NKAIN2: variants seen among roughly 807,000 people sequenced by gnomAD.
NKAIN2 encodes the protein sodium/potassium-transporting ATPase subunit beta-1-interacting protein 2.
In NKAIN2, 14 loss-of-function variants were observed where a neutral mutation model predicts 32.6. That is an observed-to-expected ratio of 0.43 (90% CI 0.28 to 0.67). The LOEUF (loss-of-function observed/expected upper bound fraction) is 0.67. Among genes scored for constraint, NKAIN2 ranks in the 30% least tolerant of loss-of-function variants. NKAIN2 has a pLI of 0.17. For synonymous variants in NKAIN2, 80 were observed against 87.2 expected, an observed-to-expected ratio of 0.92 and a Z score of 0.46; for missense variants, 198 against 258.3, an observed-to-expected ratio of 0.77 and a Z score of 1.60.
intron 1 of NKAIN2, among the ~76,000 whole-genome samples, chr6:124,194,046 C>A (rs922803967): frequency 2.6e-5 from 4 of 152,076 alleles, no homozygotes; most frequent in African/African-American, 9.7e-5. Context: ...CTGAATGAGT[C>A]TGGGGCTTTT....
chr6:124,706,889 G>A (rs1207773904), intron 4 of NKAIN2, among the ~76,000 whole-genome samples: 1 of 151,440 alleles, frequency 6.6e-6, no homozygotes, highest in East Asian at 1.9e-4. Context: ...TGTACACATT[G>A]TGCAGGTTAG....
intron 1 of NKAIN2, among the ~76,000 whole-genome samples, chr6:124,122,848 A>G (rs1392038701): frequency 1.3e-5 from 2 of 152,092 alleles, no homozygotes; most frequent in Non-Finnish European, 2.9e-5. Context: ...TGGTGTCTAC[A>G]TTCATGTTAA....
At chr6:123,806,354 G>T (rs1162105775) in intron 1 of NKAIN2, among the ~76,000 whole-genome samples, 2 of 152,078 alleles carry the variant, frequency 1.3e-5, no homozygotes, top group Non-Finnish European at 2.9e-5. Flanking sequence ...TAGCAGCCAT[G>T]TTAACGCAGA....
At chr6:124,649,372 T>C (rs1356988402) in intron 3 of NKAIN2, among the ~76,000 whole-genome samples, 1 of 152,074 alleles carries the variant, frequency 6.6e-6, no homozygotes, top group African/African-American at 2.4e-5. Context: ...ACAACAAAGA[T>C]AAAATGGAAC....
chr6:124,057,625 A>G (rs1219457851), intron 1 of NKAIN2, among the ~76,000 whole-genome samples: 1 of 151,782 alleles, frequency 6.6e-6, no homozygotes, highest in Non-Finnish European at 1.5e-5. Flanking sequence ...TCCTGGAGTT[A>G]AATGCCCTCC....
intron 1 of NKAIN2, among the ~76,000 whole-genome samples, chr6:123,948,597 ATTTTTTTTTTTTTTTTTTT>A (rs71021472): frequency 6.1e-5 from 3 of 49,278 alleles, no homozygotes; most frequent in East Asian, 8.5e-4. Context: ...CTTAAATGGG[ATTTTTTTTTTTTTTTTTTT>A]TTTTTTTTTT....
chr6:123,990,309 A>G (rs549679350), intron 1 of NKAIN2, among the ~76,000 whole-genome samples: 10 of 152,292 alleles, frequency 6.6e-5, no homozygotes, highest in African/African-American at 2.4e-4. Context: ...TAGTATTTTA[A>G]TTAGTCTGGA....
intron 1 of NKAIN2, among the ~76,000 whole-genome samples, chr6:123,832,395 C>G (rs73557555): frequency 0.053 from 8,039 of 152,228 alleles, 296 homozygotes; most frequent in African/African-American, 0.11. Context: ...CTCAGTTGCT[C>G]TCATGGTTTG....
intron 2 of NKAIN2, among the ~76,000 whole-genome samples, chr6:124,346,128 A>G (rs1351564336): frequency 2.6e-5 from 4 of 152,078 alleles, no homozygotes; most frequent in Admixed American, 2.0e-4. Context: ...TTCAGTTTCC[A>G]TGTAGTTGAG....
chr6:124,206,500 T>C (rs1469830236), intron 1 of NKAIN2, among the ~76,000 whole-genome samples: 1 of 151,924 alleles, frequency 6.6e-6, no homozygotes, highest in African/African-American at 2.4e-5. Context: ...TACAGAATTG[T>C]TGTGTTTTGG....
Position 124,342,953 on chromosome 6 carries a change from C to G in NKAIN2, c.193-12314C>G, listed in dbSNP as rs960917537. Among the ~76,000 whole-genome samples the G allele has an allele frequency of 3.3e-5, 5 of 150,986 alleles. 1 individual carries two copies. Among genetic ancestry groups the G allele is most frequent in the Admixed American group, 2.6e-4 (4 of 15,116 alleles). On this transcript the variant is annotated intron_variant, in intron 2 of 6. Coordinates refer to ENST00000368417, the MANE Select transcript of NKAIN2 (RefSeq NM_001040214.3). ...CCATTAACTCATCATTTAGCATTAG[C>G]TATATCTCCTAATGCTATCCCTTCC...
chr6:124,402,393 C>T (rs1159440419), intron 3 of NKAIN2, among the ~76,000 whole-genome samples: 2 of 152,164 alleles, frequency 1.3e-5, no homozygotes, highest in East Asian at 3.9e-4. Context: ...CATCCTTTCC[C>T]GTTACATCTG....
chr6:124,575,668 G>A (rs1450627483), intron 3 of NKAIN2, among the ~76,000 whole-genome samples: 1 of 152,126 alleles, frequency 6.6e-6, no homozygotes, highest in Non-Finnish European at 1.5e-5. Context: ...AATTGCTTAG[G>A]CCAGTGAAAA....
At chr6:124,606,538 T>G (rs1156798360) in intron 3 of NKAIN2, among the ~76,000 whole-genome samples, 5 of 152,144 alleles carry the variant, frequency 3.3e-5, no homozygotes, top group African/African-American at 9.7e-5. Flanking sequence ...CTTCTTTTAT[T>G]GTACATCCAT....
At chr6:124,348,314 G>A (rs940121024) in intron 2 of NKAIN2, among the ~76,000 whole-genome samples, 9 of 152,160 alleles carry the variant, frequency 5.9e-5, no homozygotes, top group East Asian at 1.9e-4. Context: ...CAGTCTGCCC[G>A]TTCTCAGATC....
chr6:123,944,586 G>A (rs1328232728), intron 1 of NKAIN2, among the ~76,000 whole-genome samples: 1 of 151,988 alleles, frequency 6.6e-6, no homozygotes, highest in Non-Finnish European at 1.5e-5. Context: ...TCCACATCCT[G>A]TGTTTACTGA....
At chr6:123,984,755 C>G (rs1389597982) in intron 1 of NKAIN2, among the ~76,000 whole-genome samples, 2 of 151,992 alleles carry the variant, frequency 1.3e-5, no homozygotes, top group Admixed American at 1.3e-4. Context: ...TTGCACTGGT[C>G]AATTCTCACA....
intron 1 of NKAIN2, among the ~76,000 whole-genome samples, chr6:123,866,160 G>C (rs182602962): frequency 1.3e-5 from 2 of 152,236 alleles, no homozygotes; most frequent in Admixed American, 6.5e-5. Context: ...ACTCAGTGCC[G>C]TTGGTTATTT....
chr6:123,911,814 C>CATAT (rs1464799980), intron 1 of NKAIN2, among the ~76,000 whole-genome samples: 1 of 54,184 alleles, frequency 1.8e-5, no homozygotes, highest in Admixed American at 2.1e-4. Flanking sequence ...TATATATATA[C>CATAT]ACACACACAC....
Sources: allele counts gnomAD v4.1 joint callset (sites outside exome capture counted in the v4.1 genomes callset), GRCh38; gene constraint gnomAD v4.1.1; transcripts MANE v1.5; gene names NCBI Gene and HGNC (gene_info 2026-07-23, HGNC 2026-07-21).